AUTS2: variants seen among roughly 807,000 people sequenced by gnomAD.
AUTS2 encodes activator of transcription and developmental regulator AUTS2, also known as autism susceptibility gene 2 protein.
Under a neutral mutation model 112.4 loss-of-function variants are expected in AUTS2, and 17 were observed. That is an observed-to-expected ratio of 0.15 (90% CI 0.10 to 0.23). The LOEUF is 0.23. Ranked by LOEUF, AUTS2 falls within the 10% of genes least tolerant of loss-of-function variation. The pLI is 1.00. For synonymous variants in AUTS2, 751 were observed against 702.7 expected, an observed-to-expected ratio of 1.07 and a Z score of -1.09; for missense variants, 1,510 against 1,701.6, an observed-to-expected ratio of 0.89 and a Z score of 1.98.
At chr7:69,885,440 A>G (rs925868228) in intron 1 of AUTS2, among the ~76,000 whole-genome samples, 1 of 152,216 alleles carries the variant, frequency 6.6e-6, no homozygotes, top group Non-Finnish European at 1.5e-5. Flanking sequence ...GAGTTCGGCT[A>G]TTTGACTTAG....
intron 5 of AUTS2, among the ~76,000 whole-genome samples, chr7:70,519,857 G>A (rs1456711307): frequency 6.6e-6 from 1 of 152,140 alleles, no homozygotes; most frequent in Non-Finnish European, 1.5e-5. Context: ...AGGGGCAAAG[G>A]AAGCCATTCA....
intron 5 of AUTS2, among the ~76,000 whole-genome samples, chr7:70,485,023 C>T (rs1260572600): frequency 3.3e-5 from 5 of 152,218 alleles, no homozygotes; most frequent in Admixed American, 6.5e-5. Context: ...AACACTTCTA[C>T]ACTGCTGATG....
chr7:69,855,477 G>A (rs1286567142), intron 1 of AUTS2, among the ~76,000 whole-genome samples: 1 of 152,086 alleles, frequency 6.6e-6, no homozygotes, highest in Non-Finnish European at 1.5e-5. Flanking sequence ...CCTTGTTACT[G>A]TATCCTCTGG....
At chr7:69,818,501 A>T (rs1352055079) in intron 1 of AUTS2, among the ~76,000 whole-genome samples, 2 of 152,218 alleles carry the variant, frequency 1.3e-5, no homozygotes, top group East Asian at 1.9e-4. Flanking sequence ...CGGGTTTATT[A>T]AATGTGCTTT....
At chr7:70,341,848 G>A (rs975514110) in intron 4 of AUTS2, among the ~76,000 whole-genome samples, 6 of 152,224 alleles carry the variant, frequency 3.9e-5, no homozygotes, top group African/African-American at 1.4e-4. Context: ...GACTTGCAGT[G>A]CAAGTTTGGC....
intron 5 of AUTS2, among the ~76,000 whole-genome samples, chr7:70,526,235 A>G (rs1334930965): frequency 6.6e-6 from 1 of 152,170 alleles, no homozygotes; most frequent in Admixed American, 6.5e-5. Context: ...TGAGTCACAT[A>G]AAGAGGTTGC....
At chr7:69,888,062 A>G (rs1257417356) in intron 1 of AUTS2, among the ~76,000 whole-genome samples, 5 of 152,130 alleles carry the variant, frequency 3.3e-5, no homozygotes, top group Admixed American at 2.6e-4. Flanking sequence ...TCTAATCCCA[A>G]CACTTGGGGA....
chr7:69,653,816 C>T (rs1460608729), intron 1 of AUTS2, among the ~76,000 whole-genome samples: 1 of 152,134 alleles, frequency 6.6e-6, no homozygotes, highest in Admixed American at 6.5e-5. Flanking sequence ...CTGAGGCTCA[C>T]CCTGCCTGCC....
chr7:70,023,568 T>C lies in AUTS2; in HGVS notation c.523-94564T>C, dbSNP rs143949913. On this transcript the variant is annotated intron_variant, in intron 2 of 18. Transcript: ENST00000342771. ...CATCTGTAAAGTGAGGATAATGAGT[T>C]AATGAATGTAAAGCACTTAGAAGGG... Among the ~76,000 whole-genome samples, 4 of 152,354 alleles carry C rather than the reference T, an allele frequency of 2.6e-5. No individual in the cohort carries two copies. The East Asian group carries it at 7.7e-4, about 29-fold the overall frequency.
chr7:70,774,133 A>G, intron 12 of AUTS2, 34 bp downstream of exon 12: 1 of 1,605,248 alleles, frequency 6.2e-7, no homozygotes, highest in Non-Finnish European at 8.5e-7. Context: ...CTCAGGTAAC[A>G]CCAGGGTGTG....
intron 2 of AUTS2, among the ~76,000 whole-genome samples, chr7:70,088,586 CTTGT>C (rs560294028): frequency 0.011 from 1,616 of 148,494 alleles, 12 homozygotes; most frequent in Admixed American, 0.016. Context: ...TGAGACCCAC[CTTGT>C]TTGTTTGTTT....
chr7:69,852,513 C>T (rs1337431474), intron 1 of AUTS2, among the ~76,000 whole-genome samples: 1 of 151,920 alleles, frequency 6.6e-6, no homozygotes, highest in Non-Finnish European at 1.5e-5. Flanking sequence ...AGTGCAGCGG[C>T]TCAATCTCTG....
chr7:70,503,088 C>T (rs1247608032), intron 5 of AUTS2, among the ~76,000 whole-genome samples: 1 of 152,074 alleles, frequency 6.6e-6, no homozygotes. Flanking sequence ...GAGGGAGAAC[C>T]AGGGGAAACG....
At chr7:70,636,892 C>G (rs1055973999) in intron 5 of AUTS2, among the ~76,000 whole-genome samples, 17 of 152,242 alleles carry the variant, frequency 1.1e-4, no homozygotes, top group Admixed American at 7.8e-4. Flanking sequence ...ATCCTCCCAC[C>G]TTAGCCTTCC....
intron 5 of AUTS2, among the ~76,000 whole-genome samples, chr7:70,576,421 T>C (rs920907015): frequency 3.3e-5 from 5 of 152,308 alleles, no homozygotes; most frequent in African/African-American, 7.2e-5. Context: ...TCTTGAAGAC[T>C]CCATTTTCAT....
chr7:69,804,778 T>C (rs557484978), intron 1 of AUTS2, among the ~76,000 whole-genome samples: 1 of 152,336 alleles, frequency 6.6e-6, no homozygotes, highest in South Asian at 2.1e-4. Flanking sequence ...ACCAGAATAG[T>C]GGTTATCAAA....
chr7:70,248,421 G>C (rs1000213762), intron 4 of AUTS2, among the ~76,000 whole-genome samples: 2 of 152,242 alleles, frequency 1.3e-5, no homozygotes, highest in African/African-American at 4.8e-5. Context: ...ACCGTGCCCA[G>C]CCATGTCTCT....
At chr7:69,961,607 T>A (rs1166691102) in intron 2 of AUTS2, among the ~76,000 whole-genome samples, 1 of 152,158 alleles carries the variant, frequency 6.6e-6, no homozygotes, top group Non-Finnish European at 1.5e-5. Flanking sequence ...ATGAACAGAT[T>A]CCAATGTGGG....
intron 1 of AUTS2, among the ~76,000 whole-genome samples, chr7:69,606,732 A>G (rs1792739788): frequency 6.6e-6 from 1 of 152,246 alleles, no homozygotes; most frequent in African/African-American, 2.4e-5. Context: ...ATTGAAGTTT[A>G]GAAGAGCAAT....
Sources: gnomAD v4.1 joint callset for allele counts (sites outside exome capture counted in the v4.1 genomes callset) on GRCh38, gnomAD v4.1.1 for gene constraint, MANE v1.5 for transcripts, NCBI Gene and HGNC (gene_info 2026-07-23, HGNC 2026-07-21) for gene names.